Variants in GPS1 observed in about 807,000 individuals in gnomAD.
The protein encoded by GPS1 is COP9 signalosome complex subunit 1.
Under a neutral mutation model 60.0 loss-of-function variants are expected in GPS1, and 11 were observed. That is an observed-to-expected ratio of 0.18 (90% confidence interval 0.12 to 0.30). The LOEUF (loss-of-function observed/expected upper bound fraction) is 0.30, where lower values mean the gene tolerates loss of function less well. Ranked by LOEUF, GPS1 falls within the 10% of genes least tolerant of loss-of-function variation. GPS1 has a pLI of 1.00. For synonymous variants in GPS1, 343 were observed against 269.8 expected, an observed-to-expected ratio of 1.27 and a Z score of -2.66; for missense variants, 543 against 669.2, an observed-to-expected ratio of 0.81 and a Z score of 2.08.
At chr17:82,051,785 G>T (rs896399896), upstream of GPS1, 514 of 1,117,102 alleles carry the variant, frequency 4.6e-4, no homozygotes, top group Middle Eastern at 7.7e-4. This position sits in a 1 kb window ranked among gnomAD's most constrained non-coding sequence, Gnocchi z 4.1. Flanking sequence ...CGGGACCCCC[G>T]GCGCTGCGAG....
Position 82,056,505 on chromosome 17 carries a change from T to C in GPS1, c.1071T>C (p.His357=), listed in dbSNP as rs752768138. 45 of 1,613,076 alleles carry C rather than the reference T, an allele frequency of 2.8e-5. No homozygotes were observed. Among genetic ancestry groups the C allele is most frequent in the Non-Finnish European group, 3.4e-5 (40 of 1,180,014 alleles). The part of the protein sequence containing the change: ...NLLLDMYLAP[H]VRTLYTQIRN... ...TCCTGGACATGTATCTGGCCCCCCATGTCAGGACCCTGTACACCCAGATTC... is the reference window on the plus strand; with the variant it reads ...TCCTGGACATGTATCTGGCCCCCCACGTCAGGACCCTGTACACCCAGATTC... The change falls in exon 10 of 13, where the codon CAT becomes CAC. Residue 357 remains histidine (H), a synonymous_variant. Transcript: ENST00000578552.
intron 1 of GPS1, 115 bp downstream of exon 1, chr17:82,052,079 C>T (rs917616216): frequency 3.1e-4 from 270 of 880,106 alleles, no homozygotes; most frequent in African/African-American, 2.2e-3. Context: ...GGGCACGCTC[C>T]GTGCCGGGCC....
At chr17:82,052,496 G>A (rs1319739187) in intron 1 of GPS1, 1 of 1,596,024 alleles carries the variant, frequency 6.3e-7, no homozygotes. Context: ...GCGAGGGAGG[G>A]GGGAGCAGGG....
intron 2 of GPS1, 80 bp from the exon 3 acceptor site, chr17:82,053,788 C>A: frequency 7.2e-7 from 1 of 1,396,916 alleles, no homozygotes; most frequent in Non-Finnish European, 9.8e-7. Flanking sequence ...GACAGTCAGG[C>A]CCCAACTCCT....
At chr17:82,052,738 TGTCTCCCAGCTG>T in intron 1 of GPS1, 1 of 475,932 alleles carries the variant, frequency 2.1e-6, no homozygotes. Context: ...GGCTTCTCTG[TGTCTCCCAGCTG>T]GGGGCCATGA....
chr17:82,053,832 C>T (rs116576417), intron 2 of GPS1, 36 bp from the exon 3 acceptor site: 2 of 1,581,318 alleles, frequency 1.3e-6, no homozygotes, highest in Non-Finnish European at 1.7e-6. Context: ...GTCCTGCCTC[C>T]CATCCTGCCT....
chr17:82,054,781 GTCA>G lies in GPS1; in HGVS notation c.584_586del (p.Ile195del). The G allele has an allele frequency of 6.2e-7, 1 of 1,606,528 alleles. No individual in the cohort carries two copies. The highest frequency in any genetic ancestry group is 8.5e-7 in the Non-Finnish European group (1 of 1,176,090). ...GGACTACTGCACCAGCGCCAAACAC[GTCA>G]TCAACATGTGCCTCAATGTCATCAA... On this transcript the variant is annotated inframe_deletion, in exon 4 of 13. Coordinates refer to ENST00000578552, the MANE Select transcript of GPS1 (RefSeq NM_001321092.3).
At chr17:82,053,501 A>G (rs1029456975) in intron 2 of GPS1, 135 bp downstream of exon 2, 10 of 630,286 alleles carry the variant, frequency 1.6e-5, no homozygotes, top group Non-Finnish European at 2.5e-5. Context: ...TGACCCCGAA[A>G]CCATCAGCGT....
upstream of GPS1, chr17:82,051,850 G>A: frequency 1.8e-6 from 2 of 1,126,230 alleles, no homozygotes; most frequent in Non-Finnish European, 2.2e-6. The surrounding 1 kb of genome is among the most constrained non-coding windows in gnomAD (Gnocchi z 4.1). Flanking sequence ...GAACGCAGCG[G>A]CCCCGCCCCG....
upstream of GPS1, chr17:82,051,413 G>A: frequency 7.2e-7 from 1 of 1,392,248 alleles, no homozygotes; most frequent in Non-Finnish European, 9.3e-7. The surrounding 1 kb of genome is among the most constrained non-coding windows in gnomAD (Gnocchi z 4.1). Flanking sequence ...CCCGCGCGGA[G>A]CCTCCGGGGG....
upstream of GPS1, chr17:82,051,251 G>T: frequency 7.5e-7 from 1 of 1,340,108 alleles, no homozygotes; most frequent in East Asian, 2.9e-5. The surrounding 1 kb of genome is among the most constrained non-coding windows in gnomAD (Gnocchi z 4.1). Context: ...AGAAAGGCTC[G>T]GGGGGCAGAT....
At chr17:82,051,140 G>T, upstream of GPS1, 1 of 1,317,412 alleles carries the variant, frequency 7.6e-7, no homozygotes. The surrounding 1 kb of genome is among the most constrained non-coding windows in gnomAD (Gnocchi z 4.1). Flanking sequence ...TGGGCCCTCC[G>T]CAGGCCGCGT....
intron 1 of GPS1, chr17:82,052,575 G>A: frequency 2.4e-6 from 3 of 1,273,428 alleles, no homozygotes; most frequent in Admixed American, 2.6e-5. Flanking sequence ...TCAGTGCCAA[G>A]CGCAGGAGGG....
chr17:82,052,328 A>C, intron 1 of GPS1: 1 of 1,613,012 alleles, frequency 6.2e-7, no homozygotes, highest in Non-Finnish European at 8.5e-7. Flanking sequence ...CTCGGCCCCC[A>C]GCTCGGCCTC....
intron 1 of GPS1, chr17:82,052,521 G>T (rs1191986323): frequency 2.6e-6 from 4 of 1,562,876 alleles, no homozygotes; most frequent in Non-Finnish European, 3.5e-6. Flanking sequence ...GGCCGCCCCT[G>T]CTGTGGCTGG....
At chr17:82,055,452 G>A in intron 6 of GPS1, 1 of 619,946 alleles carries the variant, frequency 1.6e-6, no homozygotes, top group East Asian at 2.7e-5. Context: ...CGTGAGGCAG[G>A]TCTGCCAGCC....
upstream of GPS1, chr17:82,051,897 A>G: frequency 8.7e-7 from 1 of 1,154,242 alleles, no homozygotes; most frequent in African/African-American, 1.7e-5. The surrounding 1 kb of genome is among the most constrained non-coding windows in gnomAD (Gnocchi z 4.1). Context: ...GCTGCCCCGG[A>G]AGTGGACGGC....
At chr17:82,055,700 CCCCCTCT>C in intron 6 of GPS1, 33 bp from the exon 7 acceptor site, 1 of 1,276,020 alleles carries the variant, frequency 7.8e-7, no homozygotes, top group Non-Finnish European at 1.1e-6. Context: ...TGGGGTCTTA[CCCCCTCT>C]CCCCCCTCCC....
At chr17:82,051,581 G>A (rs775792172), upstream of GPS1, 89 of 1,340,338 alleles carry the variant, frequency 6.6e-5, no homozygotes, top group Non-Finnish European at 7.8e-5. The surrounding 1 kb of genome is among the most constrained non-coding windows in gnomAD (Gnocchi z 4.1). Context: ...TCTTGACGGC[G>A]ATGAAGACGT....
Sources: allele counts gnomAD v4.1 joint callset, GRCh38; gene constraint gnomAD v4.1.1; non-coding constraint Gnocchi (gnomAD v3.1); transcripts MANE v1.5; gene names NCBI Gene and HGNC (gene_info 2026-07-23, HGNC 2026-07-21).